Variants in ZNF280C observed in about 807,000 individuals in gnomAD.
ZNF280C encodes the protein zinc finger protein 280C.
ZNF280C carries 14 observed loss-of-function variants against 53.6 expected under a neutral mutation model. The ratio of observed to expected loss-of-function variants is 0.26; its 90% CI spans 0.17 to 0.41. The LOEUF is 0.41. Among genes scored for constraint, ZNF280C ranks in the 10% least tolerant of loss-of-function variants. ZNF280C has a pLI of 1.00. For missense variants in ZNF280C, 416 were observed against 547.1 expected (o/e 0.76, Z 2.39); for synonymous variants, 203 against 181.1 (o/e 1.12, Z -0.97).
At chrX:130,267,278 G>A (rs1251719589) in intron 1 of ZNF280C, among the ~76,000 whole-genome samples, 5 of 109,815 alleles carry the variant, frequency 4.6e-5, no homozygotes, top group Non-Finnish European at 9.5e-5. Flanking sequence ...TGAAAAAGTC[G>A]AAAAAAAATG....
At chrX:130,266,958 G>A (rs2032695553) in intron 1 of ZNF280C, among the ~76,000 whole-genome samples, 1 of 111,038 alleles carries the variant, frequency 9.0e-6, no homozygotes, top group South Asian at 3.8e-4. Flanking sequence ...AAAATTAGCC[G>A]GGCGTGGTGG....
intron 8 of ZNF280C, among the ~76,000 whole-genome samples, chrX:130,232,538 T>C (rs770953550): frequency 2.7e-5 from 3 of 110,904 alleles, no homozygotes; most frequent in East Asian, 2.8e-4. Flanking sequence ...GCACAAGGAA[T>C]TGAATAGACA....
chrX:130,261,563 G>A (rs957807208), intron 1 of ZNF280C, among the ~76,000 whole-genome samples: 2 of 112,005 alleles, frequency 1.8e-5, no homozygotes, highest in Admixed American at 9.5e-5. Context: ...TCTACTACAA[G>A]AGTCTCTAGT....
At chrX:130,215,099 T>G in intron 15 of ZNF280C, 94 bp downstream of exon 15, 23 of 983,590 alleles carry the variant, frequency 2.3e-5, no homozygotes, top group Non-Finnish European at 3.0e-5. Context: ...AGTTCCTTGA[T>G]GAGACAAACT....
chrX:130,249,442 C>T (rs2032484290), intron 2 of ZNF280C, among the ~76,000 whole-genome samples: 2 of 112,054 alleles, frequency 1.8e-5, no homozygotes, highest in Admixed American at 9.5e-5. Flanking sequence ...GGTCCACGAG[C>T]ACCTCAGTCC....
chrX:130,228,617 C>CTTTTTTT (rs35926660), intron 10 of ZNF280C, among the ~76,000 whole-genome samples: 7 of 58,410 alleles, frequency 1.2e-4, no homozygotes, highest in Non-Finnish European at 1.7e-4. Flanking sequence ...TTTTCTTCTA[C>CTTTTTTT]TTTTTTTTTT....
In ZNF280C at chrX:130,236,755, G is replaced by A. The variant is rs575197308; in HGVS notation, c.494-116C>T. 7.1e-5 allele frequency: 30 copies of A among 424,655 alleles called. No individual in the cohort carries two copies. In the Admixed American group the frequency reaches 1.5e-3, roughly 21 times the overall value. 35.0% of individuals were successfully genotyped at this position (424,655 alleles called of 1,213,427 possible). ...TTTAAAACTGAGCAAAAACAGTTTG[G>A]AACTAAGTTAAAGGTAATATAATTT... On this transcript the variant is annotated intron_variant, in intron 6 of 18. Coordinates refer to ENST00000370978, the MANE Select transcript of ZNF280C (RefSeq NM_017666.5).
intron 15 of ZNF280C, among the ~76,000 whole-genome samples, chrX:130,213,128 C>T (rs989825494): frequency 4.6e-5 from 5 of 109,456 alleles, no homozygotes; most frequent in South Asian, 3.9e-4. Flanking sequence ...CCGAGGCGGG[C>T]GGATCATGAG....
rs763726596 is a variant in ZNF280C, at chrX:130,205,003, A to T, written c.2199-11T>A. On this transcript the variant is annotated splice_polypyrimidine_tract_variant and intron_variant, in intron 18 of 18. Coordinates refer to ENST00000370978, the MANE Select transcript of ZNF280C (RefSeq NM_017666.5). ...TATTTCAATGAGCAGCTTTAAGAAA[A>T]AAAAAAAAAAACTTTAATATTTTTC... The T allele has an allele frequency of 9.4e-7, 1 of 1,059,352 alleles. No homozygotes were observed. The highest frequency in any genetic ancestry group is 2.0e-5 in the African/African-American group (1 of 50,520). The allele number at this position is 1,059,352 out of a possible 1,213,427, so 87.3% of individuals were successfully genotyped here. A position where few individuals can be genotyped will look rare whatever the true frequency, so the allele number is the denominator to read the frequency against.
rs188108948 is a variant in ZNF280C at position 130,250,209 on chromosome X, T to C, written c.32-3204A>G. On this transcript the variant is annotated intron_variant, in intron 2 of 18. Transcript: ENST00000370978. ...AAAGACAGATCTCAATTTAACATCC[T>C]ACCATGACAACAAAAAGAACTAGAG... 6.2e-4 allele frequency among the ~76,000 whole-genome samples: 69 copies of C among 111,699 alleles called. 1 individual carries two copies. The South Asian group carries it at 0.018, about 29-fold the overall frequency.
At chrX:130,212,978 T>C (rs2032055858) in intron 15 of ZNF280C, among the ~76,000 whole-genome samples, 2 of 111,913 alleles carry the variant, frequency 1.8e-5, no homozygotes, top group African/African-American at 6.5e-5. Context: ...AAACGAAAAG[T>C]ATGACCTCTG....
At chrX:130,267,522 T>A (rs1422718905) in intron 1 of ZNF280C, among the ~76,000 whole-genome samples, 1 of 111,632 alleles carries the variant, frequency 9.0e-6, no homozygotes, top group Non-Finnish European at 1.9e-5. Flanking sequence ...TGTTTCCTCA[T>A]CTTCAAACAG....
At chrX:130,253,202 T>G (rs2032533008) in intron 2 of ZNF280C, among the ~76,000 whole-genome samples, 1 of 112,197 alleles carries the variant, frequency 8.9e-6, no homozygotes, top group Non-Finnish European at 1.9e-5. Flanking sequence ...GGAATAGAGC[T>G]AACCAGGGAG....
intron 2 of ZNF280C, among the ~76,000 whole-genome samples, chrX:130,256,086 G>A (rs1034364322): frequency 7.2e-5 from 8 of 111,080 alleles, no homozygotes; most frequent in African/African-American, 2.6e-4. Context: ...GAGCCATGAA[G>A]GTGCCACTGC....
chrX:130,211,774 G>A (rs1323331070), intron 15 of ZNF280C, among the ~76,000 whole-genome samples: 2 of 111,857 alleles, frequency 1.8e-5, no homozygotes, highest in Non-Finnish European at 3.8e-5. Flanking sequence ...GAATGTCTGG[G>A]GATAGAATGG....
intron 1 of ZNF280C, among the ~76,000 whole-genome samples, chrX:130,265,281 A>G (rs1172434375): frequency 2.7e-5 from 3 of 112,002 alleles, no homozygotes; most frequent in Non-Finnish European, 5.6e-5. Context: ...ATTTTAAAAC[A>G]TTTTATGTCA....
chrX:130,239,644 A>G lies in ZNF280C; in HGVS notation c.431T>C (p.Leu144Pro). The change falls in exon 6 of 19, where the codon CTG becomes CCG. Residue 144 changes from leucine (L) to proline (P), a missense_variant. Transcript: ENST00000370978. The stretch of plus-strand genomic sequence containing the variant: ...TAGTGATTCCTGGGTCGAGTCAAAC[A>G]GTAAAATTGAAGAATTATCCGATCC... The part of the protein sequence containing the change: ...QVGSDNSSIL[L>P]FDSTQESLPP... 1 of 1,202,713 alleles carries G rather than the reference A, an allele frequency of 8.3e-7. No individual in the cohort carries two copies. Among genetic ancestry groups the G allele is most frequent in the Non-Finnish European group, 1.1e-6 (1 of 888,135 alleles).
At chrX:130,265,333 G>A (rs2032676602) in intron 1 of ZNF280C, among the ~76,000 whole-genome samples, 1 of 111,694 alleles carries the variant, frequency 9.0e-6, no homozygotes, top group African/African-American at 3.2e-5. Context: ...CTTCTACAAA[G>A]AAGTTTTACT....
chrX:130,242,413 T>G (rs916653492), intron 5 of ZNF280C, among the ~76,000 whole-genome samples: 5 of 112,292 alleles, frequency 4.5e-5, no homozygotes, highest in Admixed American at 9.4e-5. Flanking sequence ...TATGAAAGTA[T>G]GATTTCAGAA....
Sources: gnomAD v4.1 joint callset for allele counts (sites outside exome capture counted in the v4.1 genomes callset) on GRCh38, gnomAD v4.1.1 for gene constraint, MANE v1.5 for transcripts, NCBI Gene and HGNC (gene_info 2026-07-23, HGNC 2026-07-21) for gene names.